GASK1B: variants seen among roughly 807,000 people sequenced by gnomAD.
GASK1B encodes golgi associated kinase 1B, also known as Golgi-associated kinase 1B.
Under a neutral mutation model 42.8 loss-of-function variants are expected in GASK1B, and 34 were observed. The ratio of observed to expected loss-of-function variants is 0.79; its 90% CI spans 0.60 to 1.06. The LOEUF (loss-of-function observed/expected upper bound fraction) is 1.06, where lower values mean the gene tolerates loss of function less well. GASK1B is among the 50% of genes least tolerant of loss of function. The probability of loss-of-function intolerance (pLI) is 0.00; values close to 1 mark genes in which losing one functional copy is unlikely to be tolerated. For synonymous variants in GASK1B, 262 were observed against 259.1 expected (o/e 1.01, Z -0.11); for missense variants, 686 against 661.0 (o/e 1.04, Z -0.42).
intron 3 of GASK1B, among the ~76,000 whole-genome samples, chr4:158,144,197 T>C (rs1731245641): frequency 6.6e-6 from 1 of 152,174 alleles, no homozygotes; most frequent in Non-Finnish European, 1.5e-5. Flanking sequence ...TGCTCACTTA[T>C]TGCAAGCAGT....
chr4:158,133,380 A>G (rs1288198566), intron 3 of GASK1B, among the ~76,000 whole-genome samples: 1 of 152,210 alleles, frequency 6.6e-6, no homozygotes, highest in Non-Finnish European at 1.5e-5. Context: ...TAACCCGTAA[A>G]GAAAATGCTA....
At chr4:158,130,613 T>G (rs1730637777) in intron 4 of GASK1B, among the ~76,000 whole-genome samples, 173 bp downstream of exon 4, 1 of 152,236 alleles carries the variant, frequency 6.6e-6, no homozygotes, top group African/African-American at 2.4e-5. Flanking sequence ...GGCTGCACTC[T>G]GGTTCTGTTC....
intron 2 of GASK1B, chr4:158,168,399 T>C (rs1015542488): frequency 1.4e-4 from 21 of 152,314 alleles, no homozygotes; most frequent in African/African-American, 5.1e-4. Context: ...CATAGTCCTA[T>C]CACGTAACGA....
At chr4:158,156,320 A>G (rs1316872420) in intron 2 of GASK1B, among the ~76,000 whole-genome samples, 1 of 152,238 alleles carries the variant, frequency 6.6e-6, no homozygotes, top group Non-Finnish European at 1.5e-5. Context: ...GTGAAATTGT[A>G]TGGTTCACAC....
intron 3 of GASK1B, among the ~76,000 whole-genome samples, chr4:158,140,843 G>T (rs1731087305): frequency 6.6e-6 from 1 of 152,136 alleles, no homozygotes. Context: ...TACTAACTAT[G>T]CACTGATCAA....
At chr4:158,164,086 G>A (rs932183204) in intron 2 of GASK1B, among the ~76,000 whole-genome samples, 6 of 152,194 alleles carry the variant, frequency 3.9e-5, no homozygotes, top group South Asian at 4.1e-4. Flanking sequence ...TCCTCACATC[G>A]GTGACTGGAA....
intron 2 of GASK1B, among the ~76,000 whole-genome samples, chr4:158,165,105 T>C (rs1241887696): frequency 1.3e-5 from 2 of 152,188 alleles, no homozygotes; most frequent in African/African-American, 2.4e-5. Context: ...AAAGCATACA[T>C]AATACATCTT....
At chr4:158,153,880 T>C (rs1013759463) in intron 3 of GASK1B, among the ~76,000 whole-genome samples, 4 of 152,114 alleles carry the variant, frequency 2.6e-5, no homozygotes, top group African/African-American at 9.7e-5. Flanking sequence ...GACCTAAATA[T>C]AGAATCTGAA....
Position 158,125,676 on chromosome 4 carries a change from C to T in GASK1B, c.*1731G>A, listed in dbSNP as rs186205740. 1.5e-3 allele frequency: 231 copies of T among 152,146 alleles called. No homozygotes were observed. Among genetic ancestry groups the T allele is most frequent in the African/African-American group, 5.3e-3 (219 of 41,526 alleles). The allele number at this position is 152,146 out of a possible 1,614,324, so 9.4% of individuals were successfully genotyped here. A position where few individuals can be genotyped will look rare whatever the true frequency, so the allele number is the denominator to read the frequency against. Reference sequence around the variant, plus strand: ...ATCTGTAGAAGCAGAGGGAGACACTCGGGTCAATAGAGGGAAAATTGAAGA... The same window carrying T: ...ATCTGTAGAAGCAGAGGGAGACACTTGGGTCAATAGAGGGAAAATTGAAGA... On this transcript the variant is annotated 3_prime_UTR_variant, in exon 5 of 5. Coordinates refer to ENST00000585682, the MANE Select transcript of GASK1B (RefSeq NM_001128424.2).
At chr4:158,136,089 T>G (rs1730879200) in intron 3 of GASK1B, among the ~76,000 whole-genome samples, 1 of 152,178 alleles carries the variant, frequency 6.6e-6, no homozygotes, top group Non-Finnish European at 1.5e-5. Flanking sequence ...AATGCTTACT[T>G]GTAACTTTGC....
intron 2 of GASK1B, among the ~76,000 whole-genome samples, chr4:158,165,331 TA>T (rs1223351630): frequency 6.6e-6 from 1 of 152,248 alleles, no homozygotes; most frequent in Admixed American, 6.5e-5. Flanking sequence ...TACTTTAGGA[TA>T]TTTTCACTTT....
Position 158,170,500 on chromosome 4 carries a change from C to T in GASK1B, c.876G>A (p.Leu292=), listed in dbSNP as rs1732435782. The T allele has an allele frequency of 1.2e-6, 2 of 1,614,246 alleles. No individual in the cohort carries two copies. Among genetic ancestry groups the T allele is most frequent in the East Asian group, 4.5e-5 (2 of 44,888 alleles). Residue 292 remains leucine, a synonymous_variant, in exon 2 of 5, where the codon CTG becomes CTA. Coordinates refer to ENST00000585682, the MANE Select transcript of GASK1B (RefSeq NM_001128424.2). ...LDRILGLNRT[L]PSVSRKAEFI... ...ACTCTGCTTTCCTGCTCACAGACGG[C>T]AGGGTCCTGTTGAGCCCCAGGATCC... is the stretch of plus-strand genomic sequence containing the variant.
intron 3 of GASK1B, among the ~76,000 whole-genome samples, chr4:158,135,184 G>A (rs2110938102): frequency 6.6e-6 from 1 of 151,860 alleles, no homozygotes; most frequent in African/African-American, 2.4e-5. Flanking sequence ...TACCGGGCGT[G>A]GTGGCACACA....
chr4:158,138,446 T>C lies in GASK1B; in HGVS notation c.1126-7434A>G, dbSNP rs116190994. ...ATTTAACATGGAAATGAAATAACCT[T>C]ACTGTAATAAAATTTTTAAATGCTT... On this transcript the variant is annotated intron_variant, in intron 3 of 4. Coordinates refer to ENST00000585682, the MANE Select transcript of GASK1B (RefSeq NM_001128424.2). 4.2e-3 allele frequency among the ~76,000 whole-genome samples: 639 copies of C among 152,294 alleles called. 3 individuals carry two copies. Among genetic ancestry groups the C allele is most frequent in the African/African-American group, 0.015 (610 of 41,580 alleles).
chr4:158,172,605 A>G (rs1353048965), intron 1 of GASK1B: 6 of 152,240 alleles, frequency 3.9e-5, no homozygotes, highest in Non-Finnish European at 8.8e-5. Context: ...AAATTCGGAA[A>G]AAAGAAATGC....
chr4:158,156,144 T>A (rs1731751226), intron 2 of GASK1B, among the ~76,000 whole-genome samples: 1 of 152,210 alleles, frequency 6.6e-6, no homozygotes, highest in South Asian at 2.1e-4. Flanking sequence ...TTATTCCACA[T>A]CTAAAAGCAG....
At chr4:158,164,420 CG>C (rs1732147911) in intron 2 of GASK1B, among the ~76,000 whole-genome samples, 2 of 152,082 alleles carry the variant, frequency 1.3e-5, no homozygotes, top group African/African-American at 4.8e-5. Flanking sequence ...CCCGGTTCCC[CG>C]TTTGCCTATG....
chr4:158,157,770 T>G (rs976040463), intron 2 of GASK1B, among the ~76,000 whole-genome samples: 1 of 152,118 alleles, frequency 6.6e-6, no homozygotes, highest in African/African-American at 2.4e-5. Context: ...TGGAGAAATA[T>G]GGAAATTGAT....
At position 158,171,487 on chromosome 4, in the gene GASK1B, G is replaced by T; in HGVS notation, c.-112C>A. The T allele has an allele frequency of 8.6e-7, 1 of 1,166,260 alleles. No homozygotes were observed. The highest frequency in any genetic ancestry group is 1.2e-6 in the Non-Finnish European group (1 of 856,054). 72.2% of individuals were successfully genotyped at this position (1,166,260 alleles called of 1,614,324 possible). A position where few individuals can be genotyped will look rare whatever the true frequency, so the allele number is the denominator to read the frequency against. On this transcript the variant is annotated 5_prime_UTR_variant, in exon 2 of 5. Coordinates refer to ENST00000585682, the MANE Select transcript of GASK1B (RefSeq NM_001128424.2). ...GCCGCGTCCGCTTCGGGATATAAGT[G>T]GTCTCCAGTGGGCAGAGGTGGAAGG...
Sources: gnomAD v4.1 joint callset for allele counts (sites outside exome capture counted in the v4.1 genomes callset) on GRCh38, gnomAD v4.1.1 for gene constraint, MANE v1.5 for transcripts, NCBI Gene and HGNC (gene_info 2026-07-23, HGNC 2026-07-21) for gene names.